The following GPHN variants were observed in gnomAD, a reference collection of about 807,000 sequenced individuals.
The protein encoded by GPHN is gephyrin.
Under a neutral mutation model 95.5 loss-of-function variants are expected in GPHN, and 17 were observed. The observed-to-expected ratio is 0.18, with a 90% CI of 0.12 to 0.27. The LOEUF (loss-of-function observed/expected upper bound fraction) is 0.27. Among genes scored for constraint, GPHN ranks in the 10% least tolerant of loss-of-function variants. The pLI, the probability that GPHN is intolerant of heterozygous loss-of-function variation, is 1.00. For missense variants in GPHN, 660 were observed against 978.1 expected, an observed-to-expected ratio of 0.67 and a Z score of 4.34; for synonymous variants, 320 against 322.5, an observed-to-expected ratio of 0.99 and a Z score of 0.08.
the GPHN span, among the ~76,000 whole-genome samples, chr14:67,553,126 C>A: frequency 6.6e-6 from 1 of 151,768 alleles, no homozygotes; most frequent in Admixed American, 6.6e-5. Context: ...ACAAGTTTTT[C>A]CATCAGATGA....
the GPHN span, among the ~76,000 whole-genome samples, chr14:67,705,308 T>G: frequency 6.6e-6 from 1 of 152,206 alleles, no homozygotes; most frequent in Non-Finnish European, 1.5e-5. Context: ...TTTAAGACAA[T>G]CAGTAACACT....
At chr14:67,675,331 G>C in the GPHN span, among the ~76,000 whole-genome samples, 1 of 151,956 alleles carries the variant, frequency 6.6e-6, no homozygotes, top group Admixed American at 6.5e-5. Flanking sequence ...ACAATAGCGA[G>C]AGCTCTACCA....
chr14:67,475,603 G>A, the GPHN span, among the ~76,000 whole-genome samples: 1 of 152,148 alleles, frequency 6.6e-6, no homozygotes, highest in Non-Finnish European at 1.5e-5. Flanking sequence ...GGTGTGAGGT[G>A]GTTCTCTCAT....
At chr14:67,337,232 C>T in the GPHN span, among the ~76,000 whole-genome samples, 189 of 152,316 alleles carry the variant, frequency 1.2e-3, 1 homozygote, top group African/African-American at 4.5e-3. Context: ...CCTAGACTGG[C>T]TGGGCATGGT....
the GPHN span, among the ~76,000 whole-genome samples, chr14:67,311,038 G>A: frequency 7.9e-5 from 12 of 152,246 alleles, no homozygotes; most frequent in Non-Finnish European, 1.3e-4. Flanking sequence ...AAGGCCAGGC[G>A]TGGTGGCTCG....
intron 9 of GPHN, among the ~76,000 whole-genome samples, chr14:66,986,002 T>C (rs2071005219): frequency 6.6e-6 from 1 of 152,120 alleles, no homozygotes; most frequent in Non-Finnish European, 1.5e-5. Flanking sequence ...TCATTACAGG[T>C]GCCTATAATT....
At chr14:66,954,873 G>A (rs1367987324) in intron 8 of GPHN, among the ~76,000 whole-genome samples, 2 of 152,094 alleles carry the variant, frequency 1.3e-5, no homozygotes, top group Non-Finnish European at 2.9e-5. Flanking sequence ...GATCATTTGT[G>A]AAGTTTTTTT....
intron 8 of GPHN, among the ~76,000 whole-genome samples, chr14:66,935,181 A>G (rs1362127172): frequency 6.6e-6 from 1 of 152,188 alleles, no homozygotes; most frequent in Non-Finnish European, 1.5e-5. Context: ...ACTCAAAGTA[A>G]TAATATTAAC....
chr14:67,678,884 C>G, the GPHN span, among the ~76,000 whole-genome samples: 1 of 151,614 alleles, frequency 6.6e-6, no homozygotes, highest in Non-Finnish European at 1.5e-5. Context: ...TGAAGTTATA[C>G]TGTTAGTAAA....
At chr14:66,651,353 G>A (rs2065034819) in intron 1 of GPHN, among the ~76,000 whole-genome samples, 1 of 152,158 alleles carries the variant, frequency 6.6e-6, no homozygotes, top group Non-Finnish European at 1.5e-5. Context: ...GGAATTATGG[G>A]GGTGATGAAG....
intron 2 of GPHN, among the ~76,000 whole-genome samples, chr14:66,701,148 ACATATGTATATATG>A (rs1205386840): frequency 6.6e-6 from 1 of 152,182 alleles, no homozygotes; most frequent in Non-Finnish European, 1.5e-5. Flanking sequence ...ATACATATAT[ACATATGTATATATG>A]CATATTTACA....
chr14:67,559,561 C>T, the GPHN span: 55 of 1,348,926 alleles, frequency 4.1e-5, no homozygotes, highest in Non-Finnish European at 5.2e-5. Flanking sequence ...GTCAGTCACT[C>T]TCCTGGTGAT....
chr14:67,169,797 C>T (rs1489275414), intron 21 of GPHN, among the ~76,000 whole-genome samples: 1 of 152,218 alleles, frequency 6.6e-6, no homozygotes, highest in Non-Finnish European at 1.5e-5. Context: ...AAATATTAGG[C>T]CAGGCTCAAT....
the GPHN span, chr14:67,376,724 C>A: frequency 1.2e-6 from 1 of 840,432 alleles, no homozygotes; most frequent in Non-Finnish European, 1.8e-6. Context: ...AGTAAATGGG[C>A]CAATCCTATA....
intron 4 of GPHN, among the ~76,000 whole-genome samples, chr14:66,852,094 A>T (rs573889318): frequency 6.6e-6 from 1 of 152,370 alleles, no homozygotes; most frequent in East Asian, 1.9e-4. Flanking sequence ...AATAGAATTT[A>T]ATGTTAGAAT....
chr14:67,523,679 G>C, the GPHN span, among the ~76,000 whole-genome samples: 1 of 152,204 alleles, frequency 6.6e-6, no homozygotes, highest in Non-Finnish European at 1.5e-5. Flanking sequence ...TTAAACTCTG[G>C]CTTTGGCTCA....
intron 3 of GPHN, among the ~76,000 whole-genome samples, chr14:66,780,402 A>T (rs547709714): frequency 1.3e-5 from 2 of 152,316 alleles, no homozygotes; most frequent in South Asian, 4.1e-4. Context: ...TGGGCTGAAG[A>T]TGTAACCTTA....
chr14:67,572,417 TG>T, the GPHN span: 31 of 169,198 alleles, frequency 1.8e-4, no homozygotes, highest in African/African-American at 3.5e-4. Context: ...GGGCGTGGGC[TG>T]GGGGGGTGTA....
the GPHN span, among the ~76,000 whole-genome samples, chr14:67,224,405 C>T: frequency 2.0e-5 from 3 of 151,924 alleles, no homozygotes; most frequent in East Asian, 3.9e-4. Context: ...ACTACAGATG[C>T]GTGCCACTAT....
Sources: allele counts gnomAD v4.1 joint callset (sites outside exome capture counted in the v4.1 genomes callset), GRCh38; gene constraint gnomAD v4.1.1; transcripts MANE v1.5; gene names NCBI Gene and HGNC (gene_info 2026-07-23, HGNC 2026-07-21).